AKAP13: variants seen among roughly 807,000 people sequenced by gnomAD.
AKAP13 encodes A-kinase anchor protein 13.
A neutral mutation model predicts 264.5 loss-of-function variants in AKAP13; 80 were observed. The ratio of observed to expected loss-of-function variants is 0.30; its 90% CI spans 0.25 to 0.36. AKAP13 has a LOEUF of 0.36. Among genes scored for constraint, AKAP13 ranks in the 10% least tolerant of loss-of-function variants. The probability of loss-of-function intolerance (pLI) is 1.00; values close to 1 mark genes in which losing one functional copy is unlikely to be tolerated. For missense variants in AKAP13, 3,712 were observed against 3,435.2 expected, an observed-to-expected ratio of 1.08 and a Z score of -2.01; for synonymous variants, 1,380 against 1,250.2, an observed-to-expected ratio of 1.10 and a Z score of -2.19.
intron 17 of AKAP13, among the ~76,000 whole-genome samples, chr15:85,699,676 AG>A (rs1169165085): frequency 6.6e-6 from 1 of 152,220 alleles, no homozygotes; most frequent in Non-Finnish European, 1.5e-5. Flanking sequence ...GTTATTTATC[AG>A]CTGATCTCTG....
At chr15:85,531,351 G>A (rs1567109164) in intron 3 of AKAP13, among the ~76,000 whole-genome samples, 1 of 152,164 alleles carries the variant, frequency 6.6e-6, no homozygotes, top group South Asian at 2.1e-4. Context: ...GTTATGAACC[G>A]TAAATCTCTG....
chr15:85,425,120 C>T (rs1408876890), intron 1 of AKAP13, among the ~76,000 whole-genome samples: 1 of 152,058 alleles, frequency 6.6e-6, no homozygotes, highest in Non-Finnish European at 1.5e-5. Flanking sequence ...ATGAAGTGAG[C>T]CACATGTGTT....
chr15:85,599,936 G>A (rs2151359509), intron 8 of AKAP13, among the ~76,000 whole-genome samples: 1 of 152,238 alleles, frequency 6.6e-6, no homozygotes, highest in African/African-American at 2.4e-5. Flanking sequence ...AAAACTTGGA[G>A]TCACCCTATT....
At chr15:85,447,277 A>G (rs2150970086) in intron 1 of AKAP13, among the ~76,000 whole-genome samples, 1 of 146,560 alleles carries the variant, frequency 6.8e-6, no homozygotes, top group South Asian at 2.1e-4. Flanking sequence ...AAATAAATAA[A>G]TAAATAAATC....
In AKAP13 at chr15:85,579,115, G is replaced by T. The variant is rs1313565188; in HGVS notation, c.1047G>T (p.Gln349His). 6.2e-7 allele frequency: 1 copy of T among 1,614,054 alleles called. No homozygotes were observed. The highest frequency in any genetic ancestry group is 8.5e-7 in the Non-Finnish European group (1 of 1,180,052). ...GCTGCCCAGGGAGCCCTGTTGCACA[G>T]ACTGAAAGTCCCTGTGATTTGTCAA... Reference protein sequence around the residue: ...TQCCPGSPVAQTESPCDLSSI... With the variant: ...TQCCPGSPVAHTESPCDLSSI... The change falls in exon 7 of 37, where the codon CAG becomes CAT. Residue 349 changes from glutamine to histidine, a missense_variant. Physicochemically the swap from Gln to His is conservative, Grantham distance 24. This residue lies in a region of AKAP13 where 2,759 missense variants were observed against 2,411.7 expected (regional missense o/e 1.14). Coordinates refer to ENST00000394518, the MANE Select transcript of AKAP13 (RefSeq NM_007200.5).
rs2079120920 is a variant in AKAP13 at position 85,579,991 on chromosome 15, T to C, written c.1923T>C (p.His641=). Residue 641 remains histidine, a synonymous_variant, in exon 7 of 37, where the codon CAT becomes CAC. Transcript: ENST00000394518. ...AGAACTCAGAAACAAATTCATCTCA[T>C]GCTCAAAGCCAAAAGGGCAAATCCT... ...PHQNSETNSS[H]AQSQKGKSSP... The C allele has an allele frequency of 1.9e-6, 3 of 1,614,214 alleles. No individual in the cohort carries two copies. Among genetic ancestry groups the C allele is most frequent in the Non-Finnish European group, 2.5e-6 (3 of 1,180,030 alleles).
chr15:85,716,522 T>C (rs1567210842), intron 20 of AKAP13, among the ~76,000 whole-genome samples: 1 of 152,188 alleles, frequency 6.6e-6, no homozygotes, highest in Non-Finnish European at 1.5e-5. Flanking sequence ...TTGGGTAAGA[T>C]GCCTGCCTTC....
chr15:85,616,080 T>G (rs1282169091), intron 8 of AKAP13, among the ~76,000 whole-genome samples: 2 of 152,196 alleles, frequency 1.3e-5, no homozygotes, highest in African/African-American at 4.8e-5. Context: ...TATGTTCACT[T>G]TGGGGTTTCA....
intron 14 of AKAP13, among the ~76,000 whole-genome samples, chr15:85,681,020 G>A (rs1443304704): frequency 4.6e-5 from 7 of 152,048 alleles, no homozygotes; most frequent in Admixed American, 4.6e-4. Context: ...GTTTCACCAT[G>A]TTGGTCAGCC....
At chr15:85,678,627 C>T (rs143034138) in intron 14 of AKAP13, among the ~76,000 whole-genome samples, 105 of 152,040 alleles carry the variant, frequency 6.9e-4, no homozygotes, top group African/African-American at 2.1e-3. Flanking sequence ...TTTGGGAGGC[C>T]GAGGCGGGCG....
At position 85,582,071 on chromosome 15, in the gene AKAP13, A is replaced by C; in HGVS notation, c.4003A>C (p.Ile1335Leu). The C allele has an allele frequency of 1.2e-6, 2 of 1,612,534 alleles. No individual in the cohort carries two copies. Among genetic ancestry groups the C allele is most frequent in the Non-Finnish European group, 1.7e-6 (2 of 1,179,382 alleles). Residue 1335 changes from isoleucine (I) to leucine (L), a missense_variant, in exon 7 of 37, where the codon ATC (isoleucine) becomes CTC (leucine). Physicochemically the swap from Ile to Leu is conservative, Grantham distance 5. This residue lies in a region of AKAP13 where 2,759 missense variants were observed against 2,411.7 expected (regional missense o/e 1.14). Coordinates refer to ENST00000394518, the MANE Select transcript of AKAP13 (RefSeq NM_007200.5). Reference protein sequence around the residue: ...CFAGREEPEKIILPVQGPEPA... With the variant: ...CFAGREEPEKLILPVQGPEPA... ...TGCTGGAAGGGAGGAGCCAGAGAAG[A>C]TCATTTTACCTGTCCAGGGGCCTGA...
chr15:85,381,835 C>A (rs867722975), intron 1 of AKAP13: 1 of 152,068 alleles, frequency 6.6e-6, no homozygotes, highest in Non-Finnish European at 1.5e-5. Flanking sequence ...TAGTCCCCCC[C>A]ACAACAAGTG....
chr15:85,595,091 T>G (rs1333182331), intron 8 of AKAP13, among the ~76,000 whole-genome samples: 1 of 152,098 alleles, frequency 6.6e-6, no homozygotes, highest in African/African-American at 2.4e-5. Context: ...TTTGGAGGGT[T>G]TTTTTTGTTT....
Position 85,521,595 on chromosome 15 carries a change from C to G in AKAP13, c.181+20C>G. ...CTCCTGGTAAGTATTTGAATGGGAT[C>G]CTTACTAGCTTTTCCTAGTTCTTAA... On this transcript the variant is annotated intron_variant, in intron 3 of 36. Transcript: ENST00000394518. The G allele has an allele frequency of 6.2e-7, 1 of 1,611,306 alleles. No individual in the cohort carries two copies. The highest frequency in any genetic ancestry group is 1.1e-5 in the South Asian group (1 of 90,694).
intron 8 of AKAP13, among the ~76,000 whole-genome samples, chr15:85,635,308 G>A (rs2082023700): frequency 6.6e-6 from 1 of 151,924 alleles, no homozygotes; most frequent in Non-Finnish European, 1.5e-5. Flanking sequence ...ATTTTCCTGT[G>A]GATTAATGAT....
chr15:85,427,817 G>A (rs1412970896), intron 1 of AKAP13, among the ~76,000 whole-genome samples: 1 of 152,208 alleles, frequency 6.6e-6, no homozygotes, highest in Non-Finnish European at 1.5e-5. Flanking sequence ...TGACATGGCT[G>A]TCAGAGTTGC....
intron 14 of AKAP13, chr15:85,670,626 TTAATC>T (rs1408991583): frequency 6.6e-6 from 1 of 151,800 alleles, no homozygotes; most frequent in Non-Finnish European, 1.5e-5. Context: ...TTAGTCCACT[TTAATC>T]TAAAAAGTTC....
chr15:85,748,825 G>T lies in AKAP13; in HGVS notation c.*4148G>T, dbSNP rs564823324. 2 of 152,424 alleles carry T rather than the reference G, an allele frequency of 1.3e-5. No individual in the cohort carries two copies. Among genetic ancestry groups the T allele is most frequent in the South Asian group, 4.1e-4 (2 of 4,830 alleles). The allele number at this position is 152,424 out of a possible 1,614,324, so 9.4% of individuals were successfully genotyped here. ...TGAGTGACCTGCCCTACAACCAGGT[G>T]GGACCACCTGTGCTGCAGTCCGGAG... On this transcript the variant is annotated 3_prime_UTR_variant, in exon 37 of 37. Coordinates refer to ENST00000394518, the MANE Select transcript of AKAP13 (RefSeq NM_007200.5).
rs2083033789 is a variant in AKAP13, at chr15:85,655,008, A to G, written c.4375-409A>G. On this transcript the variant is annotated intron_variant, in intron 10 of 36. Coordinates refer to ENST00000394518, the MANE Select transcript of AKAP13 (RefSeq NM_007200.5). ...GGCGTTACAGACCAGCCTGGCCAGC[A>G]TGGTGAAACCCTGTCTGTACTAAAA... is the stretch of plus-strand genomic sequence containing the variant. Among the ~76,000 whole-genome samples, 3 of 152,060 alleles carry G rather than the reference A, an allele frequency of 2.0e-5. 1 individual carries two copies. The highest frequency in any genetic ancestry group is 2.0e-4 in the Admixed American group (3 of 15,272).
Sources: gnomAD v4.1 joint callset for allele counts (sites outside exome capture counted in the v4.1 genomes callset) on GRCh38, gnomAD v4.1.1 for gene constraint, gnomAD v4.1.1 regional missense constraint, MANE v1.5 for transcripts, NCBI Gene and HGNC (gene_info 2026-07-23, HGNC 2026-07-21) for gene names.